The following REDIC1 variants were observed in gnomAD, a reference collection of about 807,000 sequenced individuals.
REDIC1 encodes the protein HEI10 Interacting Protein 1.
At chr12:39,839,754 A>C in the REDIC1 span, among the ~76,000 whole-genome samples, 3 of 151,996 alleles carry the variant, frequency 2.0e-5, no homozygotes, top group East Asian at 5.8e-4. Context: ...TAACCAATAC[A>C]CTGAGCCCCC....
chr12:39,669,110 T>G, the REDIC1 span, among the ~76,000 whole-genome samples: 1 of 152,196 alleles, frequency 6.6e-6, no homozygotes, highest in Non-Finnish European at 1.5e-5. Context: ...CTGCGTTCCT[T>G]TAGAGTAGGA....
chr12:39,633,239 A>C, the REDIC1 span, among the ~76,000 whole-genome samples: 12 of 152,088 alleles, frequency 7.9e-5, no homozygotes, highest in Non-Finnish European at 1.5e-5. Flanking sequence ...AGTTTTTTCT[A>C]TTTTTAATTT....
the REDIC1 span, among the ~76,000 whole-genome samples, chr12:39,653,972 G>A: frequency 2.0e-5 from 3 of 151,370 alleles, no homozygotes; most frequent in Non-Finnish European, 4.4e-5. Context: ...CCTTTATCAG[G>A]TTGTGAAAGT....
At chr12:39,896,167 T>C in the REDIC1 span, among the ~76,000 whole-genome samples, 1 of 148,076 alleles carries the variant, frequency 6.8e-6, no homozygotes, top group Admixed American at 6.8e-5. Context: ...CGTGTATACA[T>C]ATATGAATAT....
At chr12:39,651,922 C>T in the REDIC1 span, among the ~76,000 whole-genome samples, 2 of 152,128 alleles carry the variant, frequency 1.3e-5, no homozygotes, top group African/African-American at 2.4e-5. Flanking sequence ...TATCCCAAAG[C>T]AACCACTGAT....
the REDIC1 span, among the ~76,000 whole-genome samples, chr12:39,901,893 G>A: frequency 3.5e-4 from 53 of 151,542 alleles, no homozygotes; most frequent in East Asian, 7.0e-3. Context: ...ACATGCACAC[G>A]TATGTTTATT....
chr12:39,859,333 G>GAAA, the REDIC1 span, among the ~76,000 whole-genome samples: 1 of 62,012 alleles, frequency 1.6e-5, no homozygotes. Flanking sequence ...TTTTTTTTCT[G>GAAA]AAAAAAAAAA....
At chr12:39,876,419 G>GA in the REDIC1 span, among the ~76,000 whole-genome samples, 3 of 152,048 alleles carry the variant, frequency 2.0e-5, no homozygotes, top group African/African-American at 7.2e-5. Context: ...AGGAATTTCT[G>GA]AAAAAGCTAT....
chr12:39,778,352 A>T, the REDIC1 span, among the ~76,000 whole-genome samples: 1 of 152,122 alleles, frequency 6.6e-6, no homozygotes, highest in African/African-American at 2.4e-5. Context: ...AGCCACTGAG[A>T]TCCAACTTAT....
At chr12:39,700,572 G>C in the REDIC1 span, among the ~76,000 whole-genome samples, 1 of 151,888 alleles carries the variant, frequency 6.6e-6, no homozygotes, top group Non-Finnish European at 1.5e-5. Flanking sequence ...TCAGATTCAG[G>C]AAACAGAGAT....
chr12:39,714,093 AC>A, the REDIC1 span, among the ~76,000 whole-genome samples: 3 of 150,202 alleles, frequency 2.0e-5, 1 homozygote, highest in Admixed American at 1.3e-4. Context: ...ACATATATGT[AC>A]ATGTATATAC....
the REDIC1 span, among the ~76,000 whole-genome samples, chr12:39,842,670 C>T: frequency 6.6e-6 from 1 of 151,982 alleles, no homozygotes; most frequent in Admixed American, 6.6e-5. Context: ...AATGTTAAAG[C>T]TTGCAGTTTA....
At chr12:39,884,037 T>C in the REDIC1 span, among the ~76,000 whole-genome samples, 1 of 152,208 alleles carries the variant, frequency 6.6e-6, no homozygotes, top group Non-Finnish European at 1.5e-5. Flanking sequence ...TATTTAAAAG[T>C]TTTGTTTGAA....
the REDIC1 span, chr12:39,759,683 C>T: frequency 4.4e-6 from 1 of 225,468 alleles, no homozygotes; most frequent in African/African-American, 2.4e-5. Flanking sequence ...TTAGCACTGA[C>T]TCTGTTGCCA....
chr12:39,815,274 G>A, the REDIC1 span, among the ~76,000 whole-genome samples: 1 of 152,168 alleles, frequency 6.6e-6, no homozygotes, highest in Admixed American at 6.5e-5. Flanking sequence ...AGAGAAAACA[G>A]AATAAAGCAG....
chr12:39,637,311 C>T, the REDIC1 span, among the ~76,000 whole-genome samples: 1 of 151,972 alleles, frequency 6.6e-6, no homozygotes, highest in Non-Finnish European at 1.5e-5. Context: ...ATTGTTCATT[C>T]AAACTTTCAT....
chr12:39,675,472 T>C, the REDIC1 span, among the ~76,000 whole-genome samples: 1 of 152,198 alleles, frequency 6.6e-6, no homozygotes, highest in Admixed American at 6.5e-5. Flanking sequence ...GGTGCTCTCT[T>C]GAAAGTGCCA....
chr12:39,884,122 A>G, the REDIC1 span, among the ~76,000 whole-genome samples: 1 of 152,142 alleles, frequency 6.6e-6, no homozygotes, highest in African/African-American at 2.4e-5. Flanking sequence ...CTGTAAACTA[A>G]ATCTGTATTT....
At chr12:39,711,619 G>C in the REDIC1 span, among the ~76,000 whole-genome samples, 1 of 73,170 alleles carries the variant, frequency 1.4e-5, no homozygotes, top group Non-Finnish European at 3.5e-5. Context: ...ATGTGTATGT[G>C]TATACACGTA....
Sources: allele counts gnomAD v4.1 joint callset (sites outside exome capture counted in the v4.1 genomes callset), GRCh38; gene constraint gnomAD v4.1.1; transcripts MANE v1.5; gene names NCBI Gene and HGNC (gene_info 2026-07-23, HGNC 2026-07-21).